DNAH14: variants seen among roughly 807,000 people sequenced by gnomAD.
The protein encoded by DNAH14 is axonemal beta dynein heavy chain 14.
Under a neutral mutation model 520.9 loss-of-function variants are expected in DNAH14, and 478 were observed. The ratio of observed to expected loss-of-function variants is 0.92; its 90% CI spans 0.85 to 0.99. The LOEUF is 0.99. Among genes scored for constraint, DNAH14 ranks in the 50% least tolerant of loss-of-function variants. DNAH14 has a pLI of 0.00. For missense variants in DNAH14, 4,831 were observed against 5,234.5 expected, an observed-to-expected ratio of 0.92 and a Z score of 2.38; for synonymous variants, 1,581 against 1,757.2, an observed-to-expected ratio of 0.90 and a Z score of 2.51.
At chr1:225,086,355 C>G (rs946127242) in intron 21 of DNAH14, among the ~76,000 whole-genome samples, 2 of 151,840 alleles carry the variant, frequency 1.3e-5, no homozygotes, top group African/African-American at 4.8e-5. Context: ...AGGATGGTCT[C>G]GATCTCCTGA....
chr1:225,147,151 T>G lies in DNAH14; in HGVS notation c.4842T>G (p.Ser1614Arg), dbSNP rs1454320852. 2 of 1,550,156 alleles carry G rather than the reference T, an allele frequency of 1.3e-6. No individual in the cohort carries two copies. Among genetic ancestry groups the G allele is most frequent in the African/African-American group, 1.4e-5 (1 of 73,010 alleles). Residue 1614 changes from serine to arginine, a missense_variant, in exon 31 of 86, where the codon AGT becomes AGG. Ser to Arg is a moderately radical substitution (Grantham distance 110, BLOSUM62 -1). Transcript: ENST00000682510. ...FFGLVQSGAW[S>R]CFDEFNLIDL... ...GACTAGTTCAGTCAGGAGCATGGAG[T>G]TGTTTTGATGAATTCAATCTAATTG...
At chr1:225,165,339 G>A (rs765929738) in intron 35 of DNAH14, among the ~76,000 whole-genome samples, 8 of 151,920 alleles carry the variant, frequency 5.3e-5, no homozygotes, top group Non-Finnish European at 1.0e-4. Context: ...CTAGTTGTGA[G>A]TTTGGTACTC....
intron 79 of DNAH14, among the ~76,000 whole-genome samples, chr1:225,379,276 A>T (rs943045390): frequency 6.6e-6 from 1 of 152,202 alleles, no homozygotes; most frequent in African/African-American, 2.4e-5. Flanking sequence ...ATTATTTTAC[A>T]AAGAAATCCT....
At chr1:225,146,380 A>T (rs1424231418) in intron 30 of DNAH14, among the ~76,000 whole-genome samples, 1 of 152,176 alleles carries the variant, frequency 6.6e-6, no homozygotes, top group Non-Finnish European at 1.5e-5. Flanking sequence ...CTAGCAATAG[A>T]GTTCAGGCAC....
At chr1:225,091,704 A>G (rs1046677925) in intron 21 of DNAH14, among the ~76,000 whole-genome samples, 1 of 152,128 alleles carries the variant, frequency 6.6e-6, no homozygotes, top group Non-Finnish European at 1.5e-5. Context: ...CAACAACACA[A>G]TGACAGAATC....
At chr1:225,376,283 C>A (rs1407318000) in intron 78 of DNAH14, among the ~76,000 whole-genome samples, 1 of 151,864 alleles carries the variant, frequency 6.6e-6, no homozygotes, top group Non-Finnish European at 1.5e-5. Flanking sequence ...AAAAATTAGC[C>A]AGCCATGGTG....
chr1:225,101,934 C>G (rs1442071521), intron 23 of DNAH14, among the ~76,000 whole-genome samples: 1 of 151,346 alleles, frequency 6.6e-6, no homozygotes, highest in Non-Finnish European at 1.5e-5. Flanking sequence ...GGTACATGTG[C>G]ACAACGTGCA....
At chr1:225,029,795 G>C (rs976299014) in intron 11 of DNAH14, among the ~76,000 whole-genome samples, 1 of 151,926 alleles carries the variant, frequency 6.6e-6, no homozygotes, top group African/African-American at 2.4e-5. Context: ...GTGAGAAGAA[G>C]ACAGTGTGAC....
intron 8 of DNAH14, among the ~76,000 whole-genome samples, chr1:224,983,664 G>A (rs561661878): frequency 5.3e-5 from 8 of 152,210 alleles, no homozygotes; most frequent in African/African-American, 1.9e-4. Flanking sequence ...TACTCCTCCA[G>A]AAAGCTCCTA....
chr1:225,060,689 T>C, intron 17 of DNAH14, among the ~76,000 whole-genome samples: 1 of 78,100 alleles, frequency 1.3e-5, no homozygotes, highest in Non-Finnish European at 3.7e-5. Flanking sequence ...CAGATGGGGT[T>C]TTAGTGTGGA....
At chr1:225,119,359 C>G in intron 26 of DNAH14, 65 bp downstream of exon 26, 1 of 1,086,232 alleles carries the variant, frequency 9.2e-7, no homozygotes. Flanking sequence ...TATATATATA[C>G]ACACACATTT....
chr1:224,949,996 C>T (rs2060072661), intron 1 of DNAH14, among the ~76,000 whole-genome samples: 1 of 152,042 alleles, frequency 6.6e-6, no homozygotes, highest in Non-Finnish European at 1.5e-5. Flanking sequence ...CAGCCTTAAC[C>T]AGTGTCTGTT....
intron 43 of DNAH14, among the ~76,000 whole-genome samples, chr1:225,242,027 A>G (rs1476410525): frequency 1.3e-5 from 2 of 152,180 alleles, no homozygotes; most frequent in African/African-American, 2.4e-5. Context: ...GTTCAAGACT[A>G]GCTTGGGCAA....
At chr1:225,219,949 C>T (rs2089875164) in intron 41 of DNAH14, among the ~76,000 whole-genome samples, 1 of 152,134 alleles carries the variant, frequency 6.6e-6, no homozygotes, top group East Asian at 1.9e-4. Flanking sequence ...CATCAGAAAG[C>T]TTATCTACAA....
At position 225,318,595 on chromosome 1, in the gene DNAH14, G is replaced by T. The variant is rs2094506705; in HGVS notation, c.9253G>T (p.Glu3085Ter). The change falls in exon 61 of 86, where the codon GAA (glutamate) becomes TAA (stop). Residue 3085 changes from glutamate to a stop codon, truncating the protein, a stop_gained. Transcript: ENST00000682510. LOFTEE classifies it high-confidence loss of function. ...VEDYAQKTANELKSVLPAFDK... is the reference protein window; with the variant it reads ...VEDYAQKTAN ...ATTTTTATTGCAGAAAACTGCCAAT[G>T]AACTAAAAAGTGTGCTGCCAGCCTT... is the stretch of plus-strand genomic sequence containing the variant. The T allele has an allele frequency of 6.5e-7, 1 of 1,545,056 alleles. No homozygotes were observed. Among genetic ancestry groups the T allele is most frequent in the African/African-American group, 1.4e-5 (1 of 72,868 alleles).
chr1:224,949,824 ACT>A (rs368429161), intron 1 of DNAH14, among the ~76,000 whole-genome samples: 4 of 152,094 alleles, frequency 2.6e-5, no homozygotes, highest in Admixed American at 6.6e-5. Flanking sequence ...GCATCTATTG[ACT>A]CTCTATTGCA....
chr1:225,374,953 A>T (rs1030380555), intron 78 of DNAH14, 68 bp downstream of exon 78: 5 of 1,350,370 alleles, frequency 3.7e-6, no homozygotes, highest in Non-Finnish European at 4.0e-6. Flanking sequence ...CTTTATTTAA[A>T]ATACATATTT....
At chr1:224,985,406 C>T (rs773247033) in intron 8 of DNAH14, among the ~76,000 whole-genome samples, 2 of 151,960 alleles carry the variant, frequency 1.3e-5, no homozygotes, top group African/African-American at 2.4e-5. Context: ...TATATGGGAG[C>T]TAAGCTATGA....
rs530589100 is a variant in DNAH14, at chr1:225,206,051, A to G, written c.6058A>G (p.Thr2020Ala). 9.1e-5 allele frequency: 141 copies of G among 1,551,486 alleles called. No individual in the cohort carries two copies. The highest frequency in any genetic ancestry group is 1.2e-4 in the Non-Finnish European group (138 of 1,146,838). Reference protein sequence around the residue: ...VENLNSVLDDTRTLCLANSER... With the variant: ...VENLNSVLDDARTLCLANSER... ...AAATCTGAACTCTGTGCTAGATGAT[A>G]CTAGAACATTGTGCCTAGCAAACAG... Residue 2020 changes from threonine to alanine, a missense_variant, in exon 40 of 86, where the codon ACT becomes GCT. Physicochemically the swap from Thr to Ala is moderately conservative, Grantham distance 58. Coordinates refer to ENST00000682510, the MANE Select transcript of DNAH14 (RefSeq NM_001367479.1).
Sources: allele counts gnomAD v4.1 joint callset (sites outside exome capture counted in the v4.1 genomes callset), GRCh38; gene constraint gnomAD v4.1.1; transcripts MANE v1.5; gene names NCBI Gene and HGNC (gene_info 2026-07-23, HGNC 2026-07-21).